Variants in ZNF799 observed in about 807,000 individuals in gnomAD.
The protein encoded by ZNF799 is zinc finger protein 14.
ZNF799 carries 28 observed loss-of-function variants against 41.0 expected under a neutral mutation model. That is an observed-to-expected ratio of 0.68 (90% CI 0.51 to 0.94). ZNF799 has a LOEUF of 0.94. ZNF799 is among the 40% of genes least tolerant of loss of function. The probability of loss-of-function intolerance (pLI) is 0.00; values close to 1 mark genes in which losing one functional copy is unlikely to be tolerated. For missense variants in ZNF799, 716 were observed against 764.3 expected, an observed-to-expected ratio of 0.94 and a Z score of 0.74; for synonymous variants, 213 against 252.9, an observed-to-expected ratio of 0.84 and a Z score of 1.50.
chr19:12,393,357 A>G lies in ZNF799; in HGVS notation c.70T>C (p.Cys24Arg). 1 of 1,107,904 alleles carries G rather than the reference A, an allele frequency of 9.0e-7. No individual in the cohort carries two copies. The highest frequency in any genetic ancestry group is 1.3e-5 in the South Asian group (1 of 77,762). 68.6% of individuals were successfully genotyped at this position (1,107,904 alleles called of 1,614,324 possible). A position where few individuals can be genotyped will look rare whatever the true frequency, so the allele number is the denominator to read the frequency against. Residue 24 changes from cysteine (C) to arginine (R), a missense_variant, in exon 2 of 4, where the codon TGT (cysteine) becomes CGT (arginine). This residue lies in a region of ZNF799 where 18 missense variants were observed against 50.7 expected (regional missense o/e 0.36). Coordinates refer to ENST00000430385, the MANE Select transcript of ZNF799 (RefSeq NM_001080821.3). ...TREEWALLGP[C>R]QKNLYKDVMQ... ...ACATCTTTGTAGAGATTCTTCTGAC[A>G]AGGACCCAGCAAAGCCCACTCTTCT...
At chr19:12,407,220 T>C in the ZNF799 span, among the ~76,000 whole-genome samples, 1 of 151,968 alleles carries the variant, frequency 6.6e-6, no homozygotes, top group Admixed American at 6.6e-5. Context: ...TTCCGGCACT[T>C]TGGAAGACCC....
upstream of ZNF799, among the ~76,000 whole-genome samples, chr19:12,405,945 G>A (rs960668396): frequency 6.6e-6 from 1 of 151,422 alleles, no homozygotes; most frequent in Non-Finnish European, 1.5e-5. Context: ...GAGGCCGAGG[G>A]GGGCAGATCA....
At chr19:12,397,969 G>A (rs1969923069) in intron 1 of ZNF799, among the ~76,000 whole-genome samples, 1 of 152,142 alleles carries the variant, frequency 6.6e-6, no homozygotes, top group African/African-American at 2.4e-5. Flanking sequence ...AGCCATATGG[G>A]GCTGGGCATG....
chr19:12,401,802 C>G (rs1167378828), upstream of ZNF799, among the ~76,000 whole-genome samples: 3 of 152,030 alleles, frequency 2.0e-5, no homozygotes, highest in Admixed American at 6.6e-5. Flanking sequence ...TCTCGAACTC[C>G]TGACCTCGTG....
At chr19:12,394,567 A>C in intron 1 of ZNF799, 2 of 985,286 alleles carry the variant, frequency 2.0e-6, no homozygotes. Context: ...TTTCCTTTAG[A>C]TCAAATGTAC....
chr19:12,411,833 G>A, the ZNF799 span, among the ~76,000 whole-genome samples: 10 of 151,902 alleles, frequency 6.6e-5, no homozygotes, highest in South Asian at 4.2e-4. Flanking sequence ...GGCTGGTATC[G>A]AACTCCTGGT....
chr19:12,413,280 A>C, the ZNF799 span, among the ~76,000 whole-genome samples: 4 of 152,162 alleles, frequency 2.6e-5, no homozygotes, highest in African/African-American at 9.7e-5. Context: ...TCCAATGAAA[A>C]GGACAATTCA....
rs1225551831 is a variant in ZNF799, at chr19:12,390,833, T to A, written c.1565A>T (p.His522Leu). The A allele has an allele frequency of 6.2e-6, 10 of 1,614,192 alleles. No individual in the cohort carries two copies. The highest frequency in any genetic ancestry group is 8.5e-6 in the Non-Finnish European group (10 of 1,180,014). ...CTTCTCTCCAGAGTGAATTCTTTCATGTACTTTTAAGTTACCAAAATGACT... is the reference window on the plus strand; with the variant it reads ...CTTCTCTCCAGAGTGAATTCTTTCAAGTACTTTTAAGTTACCAAAATGACT... Reference protein sequence around the residue: ...AFSHFGNLKVHERIHSGEKPY... With the variant: ...AFSHFGNLKVLERIHSGEKPY... Residue 522 changes from histidine (H) to leucine (L), a missense_variant, in exon 4 of 4, where the codon CAT becomes CTT. His to Leu is a moderately conservative substitution (Grantham distance 99). Coordinates refer to ENST00000430385, the MANE Select transcript of ZNF799 (RefSeq NM_001080821.3).
At chr19:12,399,011 A>G (rs564823317) in intron 1 of ZNF799, among the ~76,000 whole-genome samples, 2 of 152,316 alleles carry the variant, frequency 1.3e-5, no homozygotes, top group South Asian at 2.1e-4. Context: ...CTGAAGTCCA[A>G]CTCTTTCCAA....
At chr19:12,405,909 T>A (rs113850756), upstream of ZNF799, among the ~76,000 whole-genome samples, 1 of 152,094 alleles carries the variant, frequency 6.6e-6, no homozygotes, top group East Asian at 1.9e-4. Flanking sequence ...GCGCGATGGC[T>A]CATACCTGTA....
chr19:12,412,230 T>C, the ZNF799 span, among the ~76,000 whole-genome samples: 1 of 152,158 alleles, frequency 6.6e-6, no homozygotes, highest in African/African-American at 2.4e-5. Flanking sequence ...AGAAGCCTGG[T>C]TGGGTAACCC....
In ZNF799 at chr19:12,391,972, C is replaced by T. The variant is rs1433323493; in HGVS notation, c.426G>A (p.Thr142=). 6.2e-6 allele frequency: 10 copies of T among 1,614,036 alleles called. No homozygotes were observed. The highest frequency in any genetic ancestry group is 5.3e-5 in the African/African-American group (4 of 74,912). The change falls in exon 4 of 4, where the codon ACG becomes ACA. Residue 142 remains threonine (T), a synonymous_variant. Coordinates refer to ENST00000430385, the MANE Select transcript of ZNF799 (RefSeq NM_001080821.3). The part of the protein sequence containing the change: ...EYHECGEKPD[T]HKQRGKAFSY... ...TGAAGGCTTTCCCACGTTGTTTATG[C>T]GTATCTGGCTTCTCTCCACATTCAT...
rs543049272 is a variant in ZNF799 at position 12,392,300 on chromosome 19, T to C, written c.192-94A>G. 1.0e-4 allele frequency: 151 copies of C among 1,504,102 alleles called. No homozygotes were observed. The African/African-American group carries it at 1.9e-3, about 19-fold the overall frequency. 93.2% of individuals were successfully genotyped at this position (1,504,102 alleles called of 1,614,324 possible). On this transcript the variant is annotated intron_variant, in intron 3 of 3. Transcript: ENST00000430385. ...TGGATGTACATTTTTAACACTATCATGCAAAGTGCAGGCTTCGTGTCCTGC... is the reference window on the plus strand; with the variant it reads ...TGGATGTACATTTTTAACACTATCACGCAAAGTGCAGGCTTCGTGTCCTGC...
chr19:12,402,081 A>G (rs1294337675), upstream of ZNF799, among the ~76,000 whole-genome samples: 1 of 152,046 alleles, frequency 6.6e-6, no homozygotes, highest in Non-Finnish European at 1.5e-5. Context: ...ATCCTTCTAC[A>G]CGTTTTTGGT....
upstream of ZNF799, among the ~76,000 whole-genome samples, chr19:12,404,603 T>TA (rs1970017511): frequency 6.6e-6 from 1 of 152,152 alleles, no homozygotes; most frequent in Admixed American, 6.5e-5. Flanking sequence ...GTGCCAGTCT[T>TA]AAAGACAGCA....
Position 12,392,084 on chromosome 19 carries a change from C to T in ZNF799, c.314G>A (p.Ser105Asn), listed in dbSNP as rs1281386844. 6.2e-7 allele frequency: 1 copy of T among 1,614,080 alleles called. No homozygotes were observed. The highest frequency in any genetic ancestry group is 1.3e-5 in the African/African-American group (1 of 74,938). Residue 105 changes from serine (S) to asparagine (N), a missense_variant, in exon 4 of 4, where the codon AGC (serine) becomes AAC (asparagine). Coordinates refer to ENST00000430385, the MANE Select transcript of ZNF799 (RefSeq NM_001080821.3). ...NTLPGVGPYE[S>N]RMSGEVIMGH... ...CATGATGACTTCTCCACTCATACGGCTTTCATATGGACCTACTCCAGGAAG... is the reference window on the plus strand; with the variant it reads ...CATGATGACTTCTCCACTCATACGGTTTTCATATGGACCTACTCCAGGAAG...
At chr19:12,400,608 C>A (rs1244824842) in intron 1 of ZNF799, 1 of 234,288 alleles carries the variant, frequency 4.3e-6, no homozygotes, top group Non-Finnish European at 8.3e-6. Context: ...ACCTCCTGTC[C>A]CAGGATTCAC....
chr19:12,412,759 G>A, the ZNF799 span, among the ~76,000 whole-genome samples: 17 of 152,058 alleles, frequency 1.1e-4, no homozygotes, highest in Admixed American at 2.0e-4. Context: ...CTTATCCTGG[G>A]CTGGGGGTGG....
At chr19:12,397,356 T>C (rs1969910147) in intron 1 of ZNF799, among the ~76,000 whole-genome samples, 1 of 151,056 alleles carries the variant, frequency 6.6e-6, no homozygotes, top group South Asian at 2.1e-4. Context: ...AGACTTTGAG[T>C]CCACACTCGG....
Sources: gnomAD v4.1 joint callset for allele counts (sites outside exome capture counted in the v4.1 genomes callset) on GRCh38, gnomAD v4.1.1 for gene constraint, gnomAD v4.1.1 regional missense constraint, MANE v1.5 for transcripts, NCBI Gene and HGNC (gene_info 2026-07-23, HGNC 2026-07-21) for gene names.